HDAC4: variants seen among roughly 807,000 people sequenced by gnomAD.
HDAC4 encodes histone deacetylase 4, also known as histone deacetylase A.
A neutral mutation model predicts 135.1 loss-of-function variants in HDAC4; 16 were observed. That is an observed-to-expected ratio of 0.12 (90% CI 0.08 to 0.18). The LOEUF is 0.18. Among genes scored for constraint, HDAC4 ranks in the 10% least tolerant of loss-of-function variants. HDAC4 has a pLI of 1.00. For synonymous variants in HDAC4, 685 were observed against 653.4 expected (o/e 1.05, Z -0.74); for missense variants, 1,143 against 1,511.8 (o/e 0.76, Z 4.05).
chr2:239,341,403 A>C (rs1692290761), intron 2 of HDAC4, among the ~76,000 whole-genome samples: 1 of 152,254 alleles, frequency 6.6e-6, no homozygotes, highest in Admixed American at 6.5e-5. Flanking sequence ...GGCTGGAAGA[A>C]TCAGCCCCAC....
At chr2:239,358,840 A>G (rs1693684384) in intron 1 of HDAC4, among the ~76,000 whole-genome samples, 1 of 152,214 alleles carries the variant, frequency 6.6e-6, no homozygotes, top group Non-Finnish European at 1.5e-5. Context: ...ACCTCTACAC[A>G]TGAGAAACAC....
intron 16 of HDAC4, among the ~76,000 whole-genome samples, chr2:239,096,260 G>A (rs1469576608): frequency 2.6e-5 from 4 of 152,042 alleles, no homozygotes; most frequent in African/African-American, 9.7e-5. Context: ...GCCCCAAGCT[G>A]CAGGAGAGTG....
At chr2:239,225,629 G>A (rs981049658) in intron 3 of HDAC4, among the ~76,000 whole-genome samples, 43 of 152,198 alleles carry the variant, frequency 2.8e-4, no homozygotes, top group Admixed American at 6.5e-4. Context: ...GGGCAGGCCC[G>A]CCCAGGAAGG....
intron 3 of HDAC4, among the ~76,000 whole-genome samples, chr2:239,229,665 TGAA>T (rs2047429858): frequency 6.6e-6 from 1 of 152,260 alleles, no homozygotes; most frequent in African/African-American, 2.4e-5. Flanking sequence ...CAGAACATCT[TGAA>T]GAAGTAGGGT....
rs865936404 is a variant in HDAC4, at chr2:239,102,828, C to A, written c.2181G>T (p.Leu727=). 5.0e-6 allele frequency: 8 copies of A among 1,613,946 alleles called. 1 individual carries two copies. In the Middle Eastern group the frequency reaches 9.9e-4, roughly 200 times the overall value. ...GCCGGTTGAGGGGGTTCGTGCCATA[C>A]AGGAGGGTGTGGGCTTCCGAGTGCA... ...QTVHSEAHTL[L]YGTNPLNRQK... Residue 727 remains leucine (L), a synonymous_variant, in exon 16 of 27, where the codon CTG becomes CTT. Coordinates refer to ENST00000543185, the MANE Select transcript of HDAC4 (RefSeq NM_001378414.1).
intron 2 of HDAC4, among the ~76,000 whole-genome samples, chr2:239,311,870 T>C (rs1429015768): frequency 6.6e-6 from 1 of 152,108 alleles, no homozygotes; most frequent in Non-Finnish European, 1.5e-5. Flanking sequence ...CTAAGAGGCC[T>C]TGGGCAGCCC....
chr2:239,101,606 C>T (rs1272628110), intron 16 of HDAC4, among the ~76,000 whole-genome samples: 1 of 152,176 alleles, frequency 6.6e-6, no homozygotes, highest in Admixed American at 6.5e-5. Context: ...AGCCAATATG[C>T]TCTTCCCAGG....
rs1170888399 is a variant in HDAC4, at chr2:239,126,644, C to T, written c.1345G>A (p.Val449Ile). 1.2e-6 allele frequency: 2 copies of T among 1,614,038 alleles called. No homozygotes were observed. The highest frequency in any genetic ancestry group is 2.2e-5 in the East Asian group (1 of 44,876). Residue 449 changes from valine to isoleucine, a missense_variant, in exon 12 of 27, where the codon GTT (valine) becomes ATT (isoleucine). Physicochemically the swap from Val to Ile is conservative, Grantham distance 29. This residue lies in a region of HDAC4 where 272 missense variants were observed against 309.7 expected (regional missense o/e 0.88). Coordinates refer to ENST00000543185, the MANE Select transcript of HDAC4 (RefSeq NM_001378414.1). ...GALPLHAQSL[V>I]GADRVSPSIH... The stretch of plus-strand genomic sequence containing the variant: ...GAGGGGGACACCCGGTCTGCACCAA[C>T]CAAGGACTGTGCGTGGAGGGGCAGT...
chr2:239,100,731 G>C (rs926763452), intron 16 of HDAC4, among the ~76,000 whole-genome samples: 5 of 152,304 alleles, frequency 3.3e-5, no homozygotes, highest in African/African-American at 1.2e-4. Context: ...CTTCTTTGGG[G>C]CTGGTCAAAT....
At chr2:239,107,700 T>G (rs1461251527) in intron 15 of HDAC4, among the ~76,000 whole-genome samples, 2 of 152,324 alleles carry the variant, frequency 1.3e-5, no homozygotes, top group East Asian at 3.9e-4. Context: ...GGGAGCATGG[T>G]GGGAACTGGT....
Position 239,303,168 on chromosome 2 carries a change from C to T in HDAC4, c.22+49510G>A, listed in dbSNP as rs1265822345. On this transcript the variant is annotated intron_variant, in intron 2 of 26. Transcript: ENST00000543185. The surrounding 1 kb of genome is among the most constrained non-coding windows in gnomAD (Gnocchi z 5.1). ...ACTCCAGCCTCAGGGCGTGAGGCAC[C>T]TGGCCCTGGCCTGTTCCCATCCCAC... 6.6e-6 allele frequency among the ~76,000 whole-genome samples: 1 copy of T among 152,242 alleles called. No individual in the cohort carries two copies. The highest frequency in any genetic ancestry group is 1.5e-5 in the Non-Finnish European group (1 of 68,042).
chr2:239,249,437 C>G (rs2048655615), intron 2 of HDAC4, among the ~76,000 whole-genome samples: 1 of 152,162 alleles, frequency 6.6e-6, no homozygotes. Flanking sequence ...GTAGGGAAGA[C>G]AGAGAGACTT....
At position 239,285,889 on chromosome 2, in the gene HDAC4, C is replaced by G. The variant is rs945434474; in HGVS notation, c.23-49225G>C. On this transcript the variant is annotated intron_variant, in intron 2 of 26. Coordinates refer to ENST00000543185, the MANE Select transcript of HDAC4 (RefSeq NM_001378414.1). The surrounding 1 kb of genome is among the most constrained non-coding windows in gnomAD (Gnocchi z 4.5). Reference sequence around the variant, plus strand: ...TCCAGGGCAGCTCCCAGGAAATGCACGTGGCATGCCTATCAGAAGAACGGC... The same window carrying G: ...TCCAGGGCAGCTCCCAGGAAATGCAGGTGGCATGCCTATCAGAAGAACGGC... Among the ~76,000 whole-genome samples, 1 of 152,106 alleles carries G rather than the reference C, an allele frequency of 6.6e-6. No homozygotes were observed. Among genetic ancestry groups the G allele is most frequent in the Non-Finnish European group, 1.5e-5 (1 of 68,022 alleles).
rs781050879 is a variant in HDAC4 at position 239,084,224 on chromosome 2, G to A, written c.2463C>T (p.Asn821=). ...GAAGCTTGGCTGCCACGGCCACGGA[G>A]TTGAAGTAGCAAAAGCCCCTGCGGG... ...ESTPMGFCYF[N]SVAVAAKLLQ... is the part of the protein sequence containing the mutation. The change falls in exon 20 of 27, where the codon AAC becomes AAT. Residue 821 remains asparagine, a synonymous_variant. Coordinates refer to ENST00000543185, the MANE Select transcript of HDAC4 (RefSeq NM_001378414.1). 6.2e-7 allele frequency: 1 copy of A among 1,612,632 alleles called. No individual in the cohort carries two copies. Among genetic ancestry groups the A allele is most frequent in the East Asian group, 2.2e-5 (1 of 44,838 alleles).
chr2:239,254,485 T>C (rs1340984061), intron 2 of HDAC4, among the ~76,000 whole-genome samples: 1 of 149,432 alleles, frequency 6.7e-6, no homozygotes, highest in Non-Finnish European at 1.5e-5. Flanking sequence ...AAATGGGAGA[T>C]GAGAAGTTTT....
At position 239,111,601 on chromosome 2, in the gene HDAC4, C is replaced by T; in HGVS notation, c.1903G>A (p.Ala635Thr). 4.3e-6 allele frequency: 7 copies of T among 1,611,548 alleles called. No individual in the cohort carries two copies. The highest frequency in any genetic ancestry group is 5.9e-6 in the Non-Finnish European group (7 of 1,179,458). ...SFGGHRPLSR[A>T]QSSPASATFP... ...GTGGCAGACGCGGGTGAGGACTGCG[C>T]CCGGGACAGAGGCCTGTGGCCGCCG... The change falls in exon 14 of 27, where the codon GCG (alanine) becomes ACG (threonine). Residue 635 changes from alanine (A) to threonine (T), a missense_variant. Physicochemically the swap from Ala to Thr is moderately conservative, Grantham distance 58. Coordinates refer to ENST00000543185, the MANE Select transcript of HDAC4 (RefSeq NM_001378414.1).
At chr2:239,381,028 C>T (rs1695382794) in intron 1 of HDAC4, among the ~76,000 whole-genome samples, 1 of 152,170 alleles carries the variant, frequency 6.6e-6, no homozygotes, top group Admixed American at 6.6e-5. Flanking sequence ...CAGCATCCCA[C>T]ACACAACACA....
intron 2 of HDAC4, among the ~76,000 whole-genome samples, chr2:239,254,030 T>C (rs1403556694): frequency 6.6e-6 from 1 of 152,162 alleles, no homozygotes; most frequent in Non-Finnish European, 1.5e-5. Context: ...GGAAGAGGCT[T>C]CAGTGAGAAT....
chr2:239,290,092 T>C (rs566875205), intron 2 of HDAC4, among the ~76,000 whole-genome samples: 8 of 152,210 alleles, frequency 5.3e-5, no homozygotes, highest in Admixed American at 1.3e-4. Context: ...GTACACTCCA[T>C]TGAAATGGCT....
Sources: allele counts gnomAD v4.1 joint callset (sites outside exome capture counted in the v4.1 genomes callset), GRCh38; gene constraint gnomAD v4.1.1; regional missense constraint gnomAD v4.1.1; non-coding constraint Gnocchi (gnomAD v3.1); transcripts MANE v1.5; gene names NCBI Gene and HGNC (gene_info 2026-07-23, HGNC 2026-07-21).